TBC1D5: variants seen among roughly 807,000 people sequenced by gnomAD.
TBC1D5 encodes the protein TBC1 domain family member 5, also known as TBC1 domain family, member 5.
A neutral mutation model predicts 100.3 loss-of-function variants in TBC1D5; 75 were observed. The observed-to-expected ratio is 0.75, with a 90% CI of 0.62 to 0.91. The LOEUF is 0.91. TBC1D5 is among the 40% of genes least tolerant of loss of function. The probability of loss-of-function intolerance (pLI) is 0.00; values close to 1 mark genes in which losing one functional copy is unlikely to be tolerated. For synonymous variants in TBC1D5, 323 were observed against 325.6 expected (o/e 0.99, Z 0.09); for missense variants, 910 against 942.4 (o/e 0.97, Z 0.45).
chr3:17,634,626 T>TAAAAAAAAAAAA (rs1000749608), intron 1 of TBC1D5, among the ~76,000 whole-genome samples: 12 of 85,514 alleles, frequency 1.4e-4, no homozygotes, highest in South Asian at 3.4e-4. Context: ...GCTAATAGGG[T>TAAAAAAAAAAAA]AAAAAAAAAA....
At chr3:17,374,824 T>A in intron 10 of TBC1D5, 145 bp from the exon 11 acceptor site, 2 of 736,408 alleles carry the variant, frequency 2.7e-6, no homozygotes, top group Non-Finnish European at 4.4e-6. Context: ...GCAATGCCAT[T>A]AACAAATGAT....
chr3:17,353,316 A>G lies in TBC1D5; in HGVS notation c.995+18759T>C, dbSNP rs535710992. On this transcript the variant is annotated intron_variant, in intron 13 of 21. Coordinates refer to ENST00000253692, the Ensembl canonical transcript of TBC1D5. ...TGATTGCTCTACAAGAGTCAGAAATAGTAAACCTATTTCTACAGCAAGAGT... is the reference window on the plus strand; with the variant it reads ...TGATTGCTCTACAAGAGTCAGAAATGGTAAACCTATTTCTACAGCAAGAGT... Among the ~76,000 whole-genome samples, 3 of 152,230 alleles carry G rather than the reference A, an allele frequency of 2.0e-5. No individual in the cohort carries two copies. The South Asian group carries it at 6.2e-4, about 32-fold the overall frequency.
At chr3:17,429,453 T>G (rs2094407550) in intron 3 of TBC1D5, among the ~76,000 whole-genome samples, 1 of 151,934 alleles carries the variant, frequency 6.6e-6, no homozygotes, top group South Asian at 2.1e-4. Context: ...ATACTCCTAA[T>G]TTATATAATG....
intron 13 of TBC1D5, among the ~76,000 whole-genome samples, chr3:17,350,115 T>C (rs1198872222): frequency 3.3e-5 from 5 of 152,200 alleles, no homozygotes; most frequent in Non-Finnish European, 7.4e-5. Flanking sequence ...GAGCTGAAGC[T>C]AATCGTACAA....
At chr3:17,555,750 G>A (rs1180741472) in intron 2 of TBC1D5, among the ~76,000 whole-genome samples, 1 of 152,154 alleles carries the variant, frequency 6.6e-6, no homozygotes, top group Non-Finnish European at 1.5e-5. Flanking sequence ...AATCAGGGTG[G>A]TATTTGTTAT....
intron 2 of TBC1D5, among the ~76,000 whole-genome samples, chr3:17,561,259 C>T (rs529849734): frequency 2.2e-4 from 33 of 152,146 alleles, no homozygotes; most frequent in East Asian, 3.9e-4. Context: ...CTAATTAAAG[C>T]AAATTAATTT....
In TBC1D5 at chr3:17,451,656, G is replaced by A. The variant is rs144952818; in HGVS notation, c.98-23137C>T. Among the ~76,000 whole-genome samples the A allele has an allele frequency of 1.0e-3, 154 of 152,282 alleles. 1 individual carries two copies. The highest frequency in any genetic ancestry group is 3.4e-3 in the African/African-American group (143 of 41,550). ...AGGGGAAGGGGAGGGATAGCATTAG[G>A]AGAAATACCTAATGTGGATGACGGG... On this transcript the variant is annotated intron_variant, in intron 3 of 21. Coordinates refer to ENST00000253692, the Ensembl canonical transcript of TBC1D5.
intron 1 of TBC1D5, among the ~76,000 whole-genome samples, chr3:17,718,364 G>A (rs1056061346): frequency 2.0e-5 from 3 of 152,190 alleles, no homozygotes; most frequent in Non-Finnish European, 4.4e-5. Context: ...GGGAGTCCAA[G>A]GCGGGGGCAG....
At chr3:17,734,467 T>A (rs145676264) in intron 1 of TBC1D5, among the ~76,000 whole-genome samples, 4 of 152,110 alleles carry the variant, frequency 2.6e-5, no homozygotes, top group Admixed American at 2.6e-4. Context: ...CTAAACATGT[T>A]CTAGAATAAC....
chr3:17,157,222 G>C (rs1037728624), exon 22 of TBC1D5: 1 of 152,230 alleles, frequency 6.6e-6, no homozygotes, highest in African/African-American at 2.4e-5. Context: ...TTGCCAAAAG[G>C]AGAAATCATT....
At chr3:17,312,605 T>C (rs1362092205) in intron 13 of TBC1D5, among the ~76,000 whole-genome samples, 2 of 152,180 alleles carry the variant, frequency 1.3e-5, no homozygotes, top group African/African-American at 4.8e-5. Context: ...GATATGTACA[T>C]GAACTGTTAA....
intron 17 of TBC1D5, among the ~76,000 whole-genome samples, chr3:17,217,691 T>G (rs371159826): frequency 6.6e-6 from 1 of 152,128 alleles, no homozygotes; most frequent in Non-Finnish European, 1.5e-5. Context: ...TTTATTCAAA[T>G]CTTTTGCCCA....
At chr3:17,692,281 G>A (rs897794840) in intron 1 of TBC1D5, among the ~76,000 whole-genome samples, 11 of 151,946 alleles carry the variant, frequency 7.2e-5, no homozygotes, top group African/African-American at 1.9e-4. Context: ...TAGTAGAGAC[G>A]GGATTTCGCC....
At chr3:17,361,831 T>C (rs1477134359) in intron 13 of TBC1D5, among the ~76,000 whole-genome samples, 1 of 151,704 alleles carries the variant, frequency 6.6e-6, no homozygotes, top group Non-Finnish European at 1.5e-5. Flanking sequence ...CTTCAACAAC[T>C]TGAAAGAGAA....
intron 13 of TBC1D5, among the ~76,000 whole-genome samples, chr3:17,308,583 A>G (rs1467929005): frequency 6.6e-6 from 1 of 152,234 alleles, no homozygotes; most frequent in African/African-American, 2.4e-5. Flanking sequence ...AACTTAGAAA[A>G]CTGCGTTCTC....
At chr3:17,630,403 A>G (rs2063391492) in intron 1 of TBC1D5, among the ~76,000 whole-genome samples, 1 of 152,140 alleles carries the variant, frequency 6.6e-6, no homozygotes, top group Non-Finnish European at 1.5e-5. Context: ...TTCTCACAAT[A>G]TTTCAAATGT....
At chr3:17,591,267 C>CAAAAAAA (rs370530999) in intron 2 of TBC1D5, among the ~76,000 whole-genome samples, 4 of 78,306 alleles carry the variant, frequency 5.1e-5, no homozygotes, top group African/African-American at 1.6e-4. Flanking sequence ...AAAAAAAAAA[C>CAAAAAAA]AAAAACCCCA....
intron 1 of TBC1D5, among the ~76,000 whole-genome samples, chr3:17,638,027 A>G (rs1158700060): frequency 6.6e-6 from 1 of 152,208 alleles, no homozygotes; most frequent in African/African-American, 2.4e-5. Context: ...GCAGTCACTT[A>G]AAATGATGCC....
At chr3:17,591,272 A>AAC (rs2096769889) in intron 2 of TBC1D5, among the ~76,000 whole-genome samples, 18 of 143,830 alleles carry the variant, frequency 1.3e-4, no homozygotes, top group African/African-American at 3.2e-4. Context: ...AAAAACAAAA[A>AAC]CCCCAGAGAA....
Sources: gnomAD v4.1 joint callset for allele counts (sites outside exome capture counted in the v4.1 genomes callset) on GRCh38, gnomAD v4.1.1 for gene constraint, MANE v1.5 for transcripts, NCBI Gene and HGNC (gene_info 2026-07-23, HGNC 2026-07-21) for gene names.